DMD: variants seen among roughly 807,000 people sequenced by gnomAD.
The protein encoded by DMD is dystrophin.
Under a neutral mutation model 330.1 loss-of-function variants are expected in DMD, and 63 were observed. The ratio of observed to expected loss-of-function variants is 0.19; its 90% CI spans 0.16 to 0.24. The LOEUF is 0.24. Ranked by LOEUF, DMD falls within the 10% of genes least tolerant of loss-of-function variation. The pLI, the probability that DMD is intolerant of heterozygous loss-of-function variation, is 1.00. For missense variants in DMD, 3,344 were observed against 2,684.1 expected, an observed-to-expected ratio of 1.25 and a Z score of -5.43; for synonymous variants, 1,223 against 959.8, an observed-to-expected ratio of 1.27 and a Z score of -5.07.
chrX:32,741,709 T>C (rs921650772), intron 7 of DMD, among the ~76,000 whole-genome samples: 2 of 111,908 alleles, frequency 1.8e-5, no homozygotes, highest in South Asian at 3.7e-4. Flanking sequence ...TTTTGTCATA[T>C]CTCTAATTGG....
rs189869235 is a variant in DMD at position 32,869,229 on chromosome X, A to T, written c.94-19409T>A. Among the ~76,000 whole-genome samples, 33 of 111,420 alleles carry T rather than the reference A, an allele frequency of 3.0e-4. 1 individual carries two copies. The Admixed American group carries it at 3.1e-3, about 10-fold the overall frequency. Reference sequence around the variant, plus strand: ...AACAGCATCAACAAAAAAAATCCCAATTAAAACCCCATCCAAAGGTCAGCA... The same window carrying T: ...AACAGCATCAACAAAAAAAATCCCATTTAAAACCCCATCCAAAGGTCAGCA... On this transcript the variant is annotated intron_variant, in intron 2 of 78. Transcript: ENST00000357033.
intron 1 of DMD, among the ~76,000 whole-genome samples, chrX:33,161,115 T>C (rs1326149604): frequency 2.7e-5 from 3 of 111,308 alleles, no homozygotes; most frequent in Non-Finnish European, 5.6e-5. Context: ...AAAATTACTG[T>C]CCCAATCCTA....
chrX:31,432,351 G>A (rs1383745782), intron 60 of DMD, among the ~76,000 whole-genome samples: 1 of 111,838 alleles, frequency 8.9e-6, no homozygotes, highest in Non-Finnish European at 1.9e-5. Flanking sequence ...GGGCGGAAAG[G>A]ATTAAATTCT....
intron 44 of DMD, among the ~76,000 whole-genome samples, chrX:32,096,840 G>C (rs1002486754): frequency 9.0e-6 from 1 of 111,725 alleles, no homozygotes; most frequent in Non-Finnish European, 1.9e-5. Context: ...CATGAGTCCA[G>C]ATGACCAAAC....
chrX:32,754,226 A>G (rs193193246), intron 7 of DMD, among the ~76,000 whole-genome samples: 76 of 111,358 alleles, frequency 6.8e-4, no homozygotes, highest in Admixed American at 1.9e-3. Flanking sequence ...TATTTTCAAA[A>G]CAATCTTATC....
At chrX:32,027,015 A>G (rs1197637343) in intron 44 of DMD, among the ~76,000 whole-genome samples, 1 of 111,244 alleles carries the variant, frequency 9.0e-6, no homozygotes, top group African/African-American at 3.3e-5. Context: ...GGGCTGGGAA[A>G]TGTAGTTGCT....
intron 7 of DMD, among the ~76,000 whole-genome samples, chrX:32,727,309 A>T (rs2066998805): frequency 1.8e-5 from 2 of 111,101 alleles, no homozygotes; most frequent in African/African-American, 6.5e-5. Flanking sequence ...AAAAAATACT[A>T]AAGTAGGTGG....
At chrX:32,008,996 G>A (rs2095685076) in intron 44 of DMD, among the ~76,000 whole-genome samples, 1 of 111,827 alleles carries the variant, frequency 8.9e-6, no homozygotes, top group Non-Finnish European at 1.9e-5. Context: ...GGTAACTAAT[G>A]TAATGAACCT....
At chrX:32,644,580 C>T (rs2059667273) in intron 10 of DMD, among the ~76,000 whole-genome samples, 4 of 109,127 alleles carry the variant, frequency 3.7e-5, no homozygotes, top group East Asian at 5.7e-4. Context: ...CAGGAAGTTC[C>T]GCAAGGGAGT....
At chrX:31,716,820 TAAG>T (rs1229523098) in intron 52 of DMD, among the ~76,000 whole-genome samples, 4 of 99,726 alleles carry the variant, frequency 4.0e-5, no homozygotes, top group African/African-American at 1.1e-4. Flanking sequence ...CATGAGTATA[TAAG>T]AATACACACA....
At chrX:32,476,008 T>C (rs1003769069) in intron 21 of DMD, among the ~76,000 whole-genome samples, 5 of 111,147 alleles carry the variant, frequency 4.5e-5, no homozygotes, top group African/African-American at 1.3e-4. Flanking sequence ...TAAATAGCAG[T>C]GAAGTAAAGA....
chrX:31,434,105 A>T (rs1261977226), intron 60 of DMD, among the ~76,000 whole-genome samples: 2 of 111,070 alleles, frequency 1.8e-5, no homozygotes, highest in African/African-American at 6.6e-5. Flanking sequence ...AGATTTTCGT[A>T]AGTGCTGTGA....
intron 54 of DMD, among the ~76,000 whole-genome samples, chrX:31,632,144 T>C (rs1479079185): frequency 9.0e-6 from 1 of 111,446 alleles, no homozygotes; most frequent in Non-Finnish European, 1.9e-5. Context: ...ACACACACCA[T>C]GGTATTTCTG....
chrX:32,713,700 T>A (rs750332776), intron 7 of DMD, among the ~76,000 whole-genome samples: 1 of 112,087 alleles, frequency 8.9e-6, no homozygotes, highest in East Asian at 2.8e-4. Context: ...TTGCTAGGGT[T>A]CTGTTATATC....
intron 2 of DMD, among the ~76,000 whole-genome samples, chrX:33,008,545 G>A (rs2093443107): frequency 9.1e-6 from 1 of 110,008 alleles, no homozygotes; most frequent in African/African-American, 3.3e-5. Flanking sequence ...TAGGTCAATT[G>A]GAAATGTTTT....
intron 50 of DMD, among the ~76,000 whole-genome samples, chrX:31,799,997 C>G (rs1022776664): frequency 7.0e-4 from 79 of 112,964 alleles, no homozygotes; most frequent in Non-Finnish European, 5.8e-4. Flanking sequence ...CAGCTCTGCC[C>G]TTGTGGCTTT....
At chrX:32,596,447 C>A (rs958054654) in intron 12 of DMD, among the ~76,000 whole-genome samples, 8 of 111,808 alleles carry the variant, frequency 7.2e-5, no homozygotes, top group African/African-American at 2.6e-4. Context: ...TTTGTTATAG[C>A]GTCTTACTTG....
chrX:32,575,798 T>G (rs377080614), intron 13 of DMD, among the ~76,000 whole-genome samples: 20 of 111,966 alleles, frequency 1.8e-4, no homozygotes, highest in African/African-American at 5.8e-4. Context: ...GGAAATTTAT[T>G]GTAGCCCATC....
At chrX:32,199,780 T>G (rs1036137217) in intron 44 of DMD, among the ~76,000 whole-genome samples, 2 of 84,137 alleles carry the variant, frequency 2.4e-5, no homozygotes, top group Non-Finnish European at 4.5e-5. Flanking sequence ...CGCAAGGCTT[T>G]TGTGTGTGTG....
Sources: gnomAD v4.1 joint callset for allele counts (sites outside exome capture counted in the v4.1 genomes callset) on GRCh38, gnomAD v4.1.1 for gene constraint, MANE v1.5 for transcripts, NCBI Gene and HGNC (gene_info 2026-07-23, HGNC 2026-07-21) for gene names.